Variants in CMIP observed in about 807,000 individuals in gnomAD.
CMIP encodes c-Maf inducing protein, also known as C-Maf-inducing protein.
A neutral mutation model predicts 97.3 loss-of-function variants in CMIP; 13 were observed. The observed-to-expected ratio is 0.13, with a 90% CI of 0.09 to 0.21. The LOEUF (loss-of-function observed/expected upper bound fraction) is 0.21, where lower values mean the gene tolerates loss of function less well. CMIP is among the 10% of genes least tolerant of loss of function. CMIP has a pLI of 1.00. For missense variants in CMIP, 847 were observed against 1,024.9 expected (o/e 0.83, Z 2.37); for synonymous variants, 538 against 436.3 (o/e 1.23, Z -2.91).
chr16:81,612,555 G>A (rs1391897231), intron 2 of CMIP, among the ~76,000 whole-genome samples: 2 of 152,186 alleles, frequency 1.3e-5, no homozygotes, highest in African/African-American at 2.4e-5. Context: ...TAAGAAACTG[G>A]GCCGGGGAAG....
At chr16:81,517,486 T>A (rs1226549442) in intron 1 of CMIP, among the ~76,000 whole-genome samples, 15 of 152,272 alleles carry the variant, frequency 9.9e-5, no homozygotes, top group Admixed American at 9.8e-4. Context: ...TGTATATGAT[T>A]GCATAGAAAA....
At chr16:81,610,588 C>A in intron 2 of CMIP, 4 of 960,452 alleles carry the variant, frequency 4.2e-6, no homozygotes, top group Non-Finnish European at 5.0e-6. Context: ...TCCCTGGCTG[C>A]CATTTCCGTC....
intron 1 of CMIP, among the ~76,000 whole-genome samples, chr16:81,530,814 T>C (rs1395704721): frequency 6.6e-6 from 1 of 152,208 alleles, no homozygotes. Context: ...TACCCTCTTT[T>C]ACATACATTA....
intron 1 of CMIP, among the ~76,000 whole-genome samples, chr16:81,546,867 G>A (rs1022631260): frequency 2.0e-5 from 3 of 152,172 alleles, no homozygotes; most frequent in African/African-American, 4.8e-5. Flanking sequence ...TGTGAGGCAC[G>A]TAGCCACACT....
chr16:81,492,998 G>A (rs902311419), intron 1 of CMIP, among the ~76,000 whole-genome samples: 6 of 152,132 alleles, frequency 3.9e-5, no homozygotes, highest in Admixed American at 2.0e-4. Context: ...TGCTCCCTGC[G>A]CCCCTGGAAG....
intron 1 of CMIP, among the ~76,000 whole-genome samples, chr16:81,487,912 A>G (rs1249242478): frequency 1.1e-4 from 17 of 152,148 alleles, no homozygotes; most frequent in Admixed American, 1.1e-3. Flanking sequence ...TTACTAGACG[A>G]TCTTCGAATG....
At chr16:81,511,113 A>G (rs2089802231) in intron 1 of CMIP, among the ~76,000 whole-genome samples, 2 of 152,204 alleles carry the variant, frequency 1.3e-5, no homozygotes, top group Admixed American at 1.3e-4. Context: ...TTCCCAGCTT[A>G]TGATGAGTCT....
intron 1 of CMIP, among the ~76,000 whole-genome samples, chr16:81,494,874 T>C (rs2089462444): frequency 6.6e-6 from 1 of 152,306 alleles, no homozygotes; most frequent in Non-Finnish European, 1.5e-5. Context: ...ACTTGCCAGG[T>C]GCTTTCTCAT....
At chr16:81,660,983 A>G (rs1177780474) in intron 6 of CMIP, 37 bp downstream of exon 6, 24 of 1,613,106 alleles carry the variant, frequency 1.5e-5, no homozygotes, top group Non-Finnish European at 2.0e-5. Context: ...GGCTGCAGGA[A>G]GTAACCTCCC....
intron 1 of CMIP, among the ~76,000 whole-genome samples, chr16:81,539,517 G>A (rs2090409148): frequency 1.3e-5 from 2 of 152,184 alleles, no homozygotes; most frequent in African/African-American, 2.4e-5. Context: ...TTCATGCTTC[G>A]CTGTTGCTTT....
At chr16:81,578,348 G>T (rs912280630) in intron 1 of CMIP, among the ~76,000 whole-genome samples, 1 of 152,188 alleles carries the variant, frequency 6.6e-6, no homozygotes, top group African/African-American at 2.4e-5. Context: ...GCTCTTCCTG[G>T]GGTCTTTGTC....
intron 1 of CMIP, among the ~76,000 whole-genome samples, chr16:81,473,941 T>G (rs571307941): frequency 6.6e-6 from 1 of 152,132 alleles, no homozygotes; most frequent in African/African-American, 2.4e-5. Flanking sequence ...TCTATGTGAC[T>G]TACCACAGGC....
chr16:81,514,454 C>T (rs547684196), intron 1 of CMIP, among the ~76,000 whole-genome samples: 1 of 152,226 alleles, frequency 6.6e-6, no homozygotes, highest in Non-Finnish European at 1.5e-5. Flanking sequence ...TCCAACCCAG[C>T]TGGCTACTCA....
rs1242715902 is a variant in CMIP, at chr16:81,667,787, AGAGAGAGAGAGAGTGTGTGT to A, written c.826-2353_826-2334del. 3.4e-3 allele frequency among the ~76,000 whole-genome samples: 422 copies of A among 125,752 alleles called. 5 individuals carry two copies. The highest frequency in any genetic ancestry group is 0.031 in the East Asian group (120 of 3,912). 82.5% of individuals were successfully genotyped at this position (125,752 alleles called of 152,430 possible). ...GAGAAAGAGAGAGAGAGAGAGAGAG[AGAGAGAGAGAGAGTGTGTGT>A]GTGTGTGTGTGTGTGTGTGTGTGTG... On this transcript the variant is annotated intron_variant, in intron 7 of 20. Transcript: ENST00000537098.
intron 1 of CMIP, among the ~76,000 whole-genome samples, chr16:81,594,097 C>G (rs1184695475): frequency 8.5e-6 from 1 of 117,022 alleles, no homozygotes; most frequent in Non-Finnish European, 1.8e-5. Context: ...CCTCCTCTTC[C>G]TCCCCCTCCT....
chr16:81,560,454 G>A (rs993026590), intron 1 of CMIP, among the ~76,000 whole-genome samples: 4 of 152,092 alleles, frequency 2.6e-5, no homozygotes, highest in Non-Finnish European at 4.4e-5. Context: ...TCCTGACCTC[G>A]TGATCCGCCC....
chr16:81,706,529 G>A (rs1164810162), intron 19 of CMIP, among the ~76,000 whole-genome samples: 1 of 152,242 alleles, frequency 6.6e-6, no homozygotes, highest in Non-Finnish European at 1.5e-5. Flanking sequence ...CAGATTCCTG[G>A]TCCCTGCTGC....
At chr16:81,492,890 G>A (rs1263819623) in intron 1 of CMIP, among the ~76,000 whole-genome samples, 1 of 152,052 alleles carries the variant, frequency 6.6e-6, no homozygotes, top group Non-Finnish European at 1.5e-5. Context: ...ACGTGGGAGA[G>A]AGAGACCCAG....
intron 1 of CMIP, among the ~76,000 whole-genome samples, chr16:81,568,168 C>T (rs575062835): frequency 2.0e-5 from 3 of 151,834 alleles, no homozygotes; most frequent in South Asian, 4.2e-4. Flanking sequence ...TGGGAGAATC[C>T]GTAGGCTTGA....
Sources: allele counts gnomAD v4.1 joint callset (sites outside exome capture counted in the v4.1 genomes callset), GRCh38; gene constraint gnomAD v4.1.1; transcripts MANE v1.5; gene names NCBI Gene and HGNC (gene_info 2026-07-23, HGNC 2026-07-21).